The following ASH2L variants were observed in gnomAD, a reference collection of about 807,000 sequenced individuals.
ASH2L encodes the protein ASH2 like, histone lysine methyltransferase complex subunit.
A neutral mutation model predicts 81.1 loss-of-function variants in ASH2L; 30 were observed. The observed-to-expected ratio is 0.37, with a 90% CI of 0.28 to 0.50. The LOEUF is 0.50. Ranked by LOEUF, ASH2L falls within the 20% of genes least tolerant of loss-of-function variation. The pLI is 0.95. For missense variants in ASH2L, 559 were observed against 792.1 expected, an observed-to-expected ratio of 0.71 and a Z score of 3.53; for synonymous variants, 273 against 279.9, an observed-to-expected ratio of 0.98 and a Z score of 0.24.
chr8:38,128,829 C>T lies in ASH2L; in HGVS notation c.1405C>T (p.His469Tyr), dbSNP rs1261045092. ...SWRSKKGTKF[H>Y]QSIGKHYSSG... is the part of the protein sequence containing the mutation. ...GCGGAGCAAAAAGGGAACCAAGTTCCACCAGTCCATTGGCAAACACTACTC... is the reference window on the plus strand; with the variant it reads ...GCGGAGCAAAAAGGGAACCAAGTTCTACCAGTCCATTGGCAAACACTACTC... The change falls in exon 12 of 16, where the codon CAC becomes TAC. Residue 469 changes from histidine (H) to tyrosine (Y), a missense_variant. By Grantham distance (83) the His-to-Tyr change is moderately conservative. Transcript: ENST00000343823. 1 of 1,614,108 alleles carries T rather than the reference C, an allele frequency of 6.2e-7. No individual in the cohort carries two copies. The highest frequency in any genetic ancestry group is 8.5e-7 in the Non-Finnish European group (1 of 1,180,016).
chr8:38,109,461 CATTT>C (rs2130476055), intron 3 of ASH2L, among the ~76,000 whole-genome samples: 1 of 152,304 alleles, frequency 6.6e-6, no homozygotes, highest in East Asian at 1.9e-4. Flanking sequence ...TAGCTTAAGC[CATTT>C]ATACTAAAGG....
intron 10 of ASH2L, among the ~76,000 whole-genome samples, chr8:38,123,832 T>A (rs1038023259): frequency 6.6e-6 from 1 of 152,174 alleles, no homozygotes; most frequent in African/African-American, 2.4e-5. Flanking sequence ...TTCTTTTATC[T>A]CCCTTTTTTG....
At chr8:38,131,339 T>C (rs553845425) in intron 12 of ASH2L, among the ~76,000 whole-genome samples, 2 of 151,866 alleles carry the variant, frequency 1.3e-5, no homozygotes, top group Admixed American at 6.6e-5. Context: ...ACAAAAAAAA[T>C]TTTTTTTCCT....
intron 3 of ASH2L, among the ~76,000 whole-genome samples, 187 bp from the exon 4 acceptor site, chr8:38,110,192 C>T (rs373445145): frequency 2.2e-4 from 34 of 152,250 alleles, no homozygotes; most frequent in African/African-American, 7.9e-4. Context: ...TGCCTATAGT[C>T]CCAGCTACTT....
chr8:38,115,967 C>T (rs1810875219), intron 7 of ASH2L, among the ~76,000 whole-genome samples: 1 of 152,328 alleles, frequency 6.6e-6, no homozygotes, highest in East Asian at 1.9e-4. Flanking sequence ...TGGCTCACGC[C>T]TGTAATCCCA....
intron 7 of ASH2L, among the ~76,000 whole-genome samples, chr8:38,115,850 C>G (rs1287692268): frequency 6.6e-6 from 1 of 152,166 alleles, no homozygotes; most frequent in Non-Finnish European, 1.5e-5. Flanking sequence ...TTACACTTGG[C>G]CTACCTCACA....
chr8:38,121,364 T>C (rs1438980477), intron 10 of ASH2L, among the ~76,000 whole-genome samples: 5 of 144,078 alleles, frequency 3.5e-5, no homozygotes, highest in Non-Finnish European at 1.5e-5. Context: ...TATATATATA[T>C]ATATATATAT....
intron 5 of ASH2L, 140 bp downstream of exon 5, chr8:38,110,973 T>C: frequency 1.3e-6 from 1 of 744,630 alleles, no homozygotes. Context: ...TTCTCTTTTT[T>C]TTTCAAGATG....
In ASH2L at chr8:38,107,868, ATGTGTGTGTGTGTGTGTGTGTGTGTG is replaced by A. The variant is rs10542885; in HGVS notation, c.401+714_401+739del. On this transcript the variant is annotated intron_variant, in intron 3 of 15. Transcript: ENST00000343823. ...GGTGAGATTGTGAAGAAATACATAT[ATGTGTGTGTGTGTGTGTGTGTGTGTG>A]TGTGTGTGTGTATATGTATATATAT... Among the ~76,000 whole-genome samples the A allele has an allele frequency of 3.0e-4, 43 of 141,506 alleles. No individual in the cohort carries two copies. The East Asian group carries it at 8.3e-3, about 27-fold the overall frequency. 92.8% of individuals were successfully genotyped at this position (141,506 alleles called of 152,430 possible).
Position 38,106,385 on chromosome 8 carries a change from A to T in ASH2L, c.196A>T (p.Asn66Tyr). The T allele has an allele frequency of 6.2e-7, 1 of 1,614,148 alleles. No homozygotes were observed. The change falls in exon 2 of 16, where the codon AAC becomes TAC. Residue 66 changes from asparagine to tyrosine, a missense_variant. Asn to Tyr is a moderately radical substitution (Grantham distance 143, BLOSUM62 -2). Coordinates refer to ENST00000343823, the MANE Select transcript of ASH2L (RefSeq NM_004674.5). ...SSGEAEGGEA[N>Y]LVDVSGGLET... ...GCTTTCATTATCTTATAGGGAGGCA[A>T]ACTTGGTCGATGTAAGCGGTGGCTT...
intron 2 of ASH2L, 59 bp from the exon 3 acceptor site, chr8:38,106,962 A>G: frequency 1.3e-6 from 2 of 1,597,716 alleles, no homozygotes; most frequent in Non-Finnish European, 1.7e-6. Context: ...TTAAAAAAAT[A>G]AAATAAAGTA....
At chr8:38,123,239 C>G (rs2130532400) in intron 10 of ASH2L, 1 of 152,138 alleles carries the variant, frequency 6.6e-6, no homozygotes, top group South Asian at 2.1e-4. Context: ...CACGTGCCAC[C>G]ACGCCCGGCT....
Position 38,133,002 on chromosome 8 carries a change from G to A in ASH2L, c.1528-452G>A, listed in dbSNP as rs778607714. 1.3e-3 allele frequency among the ~76,000 whole-genome samples: 198 copies of A among 151,892 alleles called. 1 individual carries two copies. Among genetic ancestry groups the A allele is most frequent in the Non-Finnish European group, 2.4e-3 (165 of 67,978 alleles). On this transcript the variant is annotated intron_variant, in intron 12 of 15. Transcript: ENST00000343823. ...CTCGAGAGCCTGAGGCAGGAGAATC[G>A]CTTGAACCCGGGAGGCGGAGGTTGC...
In ASH2L at chr8:38,128,361, C is replaced by T. The variant is rs1585598636; in HGVS notation, c.1236C>T (p.Ala412=). The T allele has an allele frequency of 1.2e-6, 2 of 1,614,134 alleles. No homozygotes were observed. Among genetic ancestry groups the T allele is most frequent in the Non-Finnish European group, 1.7e-6 (2 of 1,180,014 alleles). The change falls in exon 11 of 16, where the codon GCC becomes GCT. Residue 412 remains alanine (A), a synonymous_variant. Coordinates refer to ENST00000343823, the MANE Select transcript of ASH2L (RefSeq NM_004674.5). The stretch of plus-strand genomic sequence containing the variant: ...AGAAGGGCTACTCTATGGTGAGGGC[C>T]TCTCATGGAGTACGGAAAGGTGCCT... ...VGEKGYSMVR[A]SHGVRKGAWY...
intron 12 of ASH2L, among the ~76,000 whole-genome samples, chr8:38,131,128 T>C (rs574974441): frequency 1.3e-5 from 2 of 152,180 alleles, no homozygotes; most frequent in Non-Finnish European, 2.9e-5. Flanking sequence ...AATTTGATAG[T>C]GGAAATACTC....
chr8:38,138,368 G>C (rs1802352748), intron 14 of ASH2L: 1 of 157,348 alleles, frequency 6.4e-6, no homozygotes. Context: ...AAGAGAAAAG[G>C]AGCAGATAGG....
At chr8:38,137,802 T>A (rs1362106117) in intron 14 of ASH2L, 1 of 147,048 alleles carries the variant, frequency 6.8e-6, no homozygotes, top group Non-Finnish European at 1.5e-5. Context: ...TTGAAGCAGG[T>A]AAAAAAAAAA....
chr8:38,131,436 G>A (rs1802054165), intron 12 of ASH2L, among the ~76,000 whole-genome samples: 1 of 151,972 alleles, frequency 6.6e-6, no homozygotes, highest in African/African-American at 2.4e-5. Flanking sequence ...TTGAGGCCAG[G>A]AGCTCGAGGC....
chr8:38,135,830 C>G, intron 14 of ASH2L, 64 bp downstream of exon 14: 1 of 1,296,056 alleles, frequency 7.7e-7, no homozygotes. Context: ...GTTGTGATGA[C>G]AAAGTTACTG....
Sources: allele counts gnomAD v4.1 joint callset (sites outside exome capture counted in the v4.1 genomes callset), GRCh38; gene constraint gnomAD v4.1.1; transcripts MANE v1.5; gene names NCBI Gene and HGNC (gene_info 2026-07-23, HGNC 2026-07-21).